Variants in SNX29 observed in about 807,000 individuals in gnomAD.
SNX29 encodes sorting nexin-29.
A neutral mutation model predicts 102.1 loss-of-function variants in SNX29; 78 were observed. That is an observed-to-expected ratio of 0.76 (90% CI 0.64 to 0.92). SNX29 has a LOEUF of 0.92. Ranked by LOEUF, SNX29 falls within the 40% of genes least tolerant of loss-of-function variation. The pLI, the probability that SNX29 is intolerant of heterozygous loss-of-function variation, is 0.00. For synonymous variants in SNX29, 580 were observed against 414.5 expected (o/e 1.40, Z -4.85); for missense variants, 1,280 against 1,061.7 (o/e 1.21, Z -2.86).
chr16:12,258,264 C>T (rs925320630), intron 14 of SNX29, among the ~76,000 whole-genome samples: 1 of 152,234 alleles, frequency 6.6e-6, no homozygotes, highest in Non-Finnish European at 1.5e-5. Context: ...TGACCTGTCA[C>T]CTCGTCTCTG....
At chr16:11,991,709 AT>A (rs200463931) in intron 1 of SNX29, among the ~76,000 whole-genome samples, 3,038 of 118,828 alleles carry the variant, frequency 0.026, 117 homozygotes, top group African/African-American at 0.094. Flanking sequence ...CCTGAGGCTA[AT>A]CTTTTTTTTT....
intron 14 of SNX29, among the ~76,000 whole-genome samples, chr16:12,261,348 C>T (rs1291915041): frequency 7.1e-6 from 1 of 140,442 alleles, no homozygotes; most frequent in Non-Finnish European, 1.5e-5. Context: ...GTGCGTGCGT[C>T]CCTGGCTGGA....
Position 12,573,460 on chromosome 16 carries a change from G to C in SNX29, c.*4831G>C, listed in dbSNP as rs530812457. On this transcript the variant is annotated 3_prime_UTR_variant, in exon 21 of 21. Transcript: ENST00000566228. Reference sequence around the variant, plus strand: ...AAGATAGTTGAGCCTATGACATTAAGGAGCAGCGCTGCTGGCGGAAGATTC... The same window carrying C: ...AAGATAGTTGAGCCTATGACATTAACGAGCAGCGCTGCTGGCGGAAGATTC... 4.5e-6 allele frequency: 1 copy of C among 224,212 alleles called. No individual in the cohort carries two copies. The highest frequency in any genetic ancestry group is 6.5e-5 in the East Asian group (1 of 15,322). 13.9% of individuals were successfully genotyped at this position (224,212 alleles called of 1,614,324 possible). A position where few individuals can be genotyped will look rare whatever the true frequency, so the allele number is the denominator to read the frequency against.
intron 11 of SNX29, chr16:12,087,874 C>G (rs576866576): frequency 4.4e-6 from 2 of 456,704 alleles, no homozygotes; most frequent in Non-Finnish European, 8.8e-6. Flanking sequence ...GTTTTGTGTT[C>G]GATAGGCTAA....
intron 12 of SNX29, among the ~76,000 whole-genome samples, 184 bp downstream of exon 12, chr16:12,126,880 A>C (rs1342266524): frequency 1.3e-5 from 2 of 152,208 alleles, no homozygotes; most frequent in Non-Finnish European, 2.9e-5. Flanking sequence ...CTTTTGCCTG[A>C]TATGTAAGAA....
At chr16:12,277,120 G>C (rs1386282564) in intron 14 of SNX29, among the ~76,000 whole-genome samples, 2 of 152,168 alleles carry the variant, frequency 1.3e-5, no homozygotes, top group African/African-American at 4.8e-5. Context: ...GAATGCAGTG[G>C]TTCACACCTG....
intron 11 of SNX29, among the ~76,000 whole-genome samples, chr16:12,123,697 A>G (rs1312734779): frequency 1.3e-5 from 2 of 152,170 alleles, no homozygotes; most frequent in African/African-American, 4.8e-5. Flanking sequence ...CAGCTGCTGC[A>G]GAGCTGCCTT....
At chr16:12,158,687 G>T (rs1048427970) in intron 13 of SNX29, among the ~76,000 whole-genome samples, 1 of 152,246 alleles carries the variant, frequency 6.6e-6, no homozygotes, top group Non-Finnish European at 1.5e-5. Flanking sequence ...ATGATGAAAA[G>T]AACATGCAAC....
chr16:12,434,000 C>G (rs1344203519), intron 18 of SNX29, among the ~76,000 whole-genome samples: 1 of 152,176 alleles, frequency 6.6e-6, no homozygotes. Context: ...TTTTGAGGTC[C>G]TCACATGGGG....
intron 13 of SNX29, among the ~76,000 whole-genome samples, chr16:12,130,781 G>A (rs1250456220): frequency 1.3e-5 from 2 of 151,448 alleles, no homozygotes; most frequent in Non-Finnish European, 2.9e-5. Context: ...GTCCTATGCA[G>A]CATTCACTTG....
intron 17 of SNX29, 101 bp from the exon 18 acceptor site, chr16:12,403,347 C>A (rs562144755): frequency 1.8e-6 from 2 of 1,118,708 alleles, no homozygotes; most frequent in East Asian, 5.9e-5. Context: ...GTGCATAATA[C>A]CTCTTGGAGT....
chr16:12,559,781 A>G (rs2078610150), intron 20 of SNX29, among the ~76,000 whole-genome samples: 2 of 152,182 alleles, frequency 1.3e-5, no homozygotes, highest in African/African-American at 2.4e-5. Flanking sequence ...AGCATTACAC[A>G]GCACCTTCGT....
intron 13 of SNX29, among the ~76,000 whole-genome samples, chr16:12,162,485 G>C (rs1297293999): frequency 6.6e-6 from 1 of 152,222 alleles, no homozygotes; most frequent in Non-Finnish European, 1.5e-5. Context: ...GAAGTCTGCT[G>C]TTGTAGCAAG....
chr16:12,050,922 T>C (rs2050273244), intron 7 of SNX29, among the ~76,000 whole-genome samples: 1 of 151,992 alleles, frequency 6.6e-6, no homozygotes. Flanking sequence ...GGTTTCACCA[T>C]GTTTGCCAGG....
intron 20 of SNX29, among the ~76,000 whole-genome samples, chr16:12,541,553 T>G (rs1413896643): frequency 3.9e-5 from 6 of 152,154 alleles, no homozygotes; most frequent in African/African-American, 1.4e-4. Flanking sequence ...AGCCTCCCTT[T>G]TCAAGCTGCC....
intron 19 of SNX29, among the ~76,000 whole-genome samples, chr16:12,486,414 C>T (rs11863513): frequency 2.0e-5 from 3 of 151,240 alleles, no homozygotes; most frequent in Admixed American, 2.0e-4. Flanking sequence ...TCCTGCCTAC[C>T]GTACACCTCT....
intron 13 of SNX29, among the ~76,000 whole-genome samples, chr16:12,171,154 G>T (rs1244903957): frequency 2.0e-5 from 3 of 152,080 alleles, no homozygotes; most frequent in Non-Finnish European, 4.4e-5. Context: ...GTTGACACGG[G>T]CTCTTTGAGA....
intron 15 of SNX29, among the ~76,000 whole-genome samples, chr16:12,329,931 G>T (rs1256047573): frequency 6.6e-6 from 1 of 152,166 alleles, no homozygotes; most frequent in Non-Finnish European, 1.5e-5. Flanking sequence ...GTTCCAAAAG[G>T]CATTTGAGTG....
At chr16:12,328,714 G>A (rs2151202561) in intron 15 of SNX29, among the ~76,000 whole-genome samples, 1 of 152,264 alleles carries the variant, frequency 6.6e-6, no homozygotes, top group East Asian at 1.9e-4. Flanking sequence ...ATCACAGTCT[G>A]CTAAGTCTTA....
Sources: gnomAD v4.1 joint callset for allele counts (sites outside exome capture counted in the v4.1 genomes callset) on GRCh38, gnomAD v4.1.1 for gene constraint, MANE v1.5 for transcripts, NCBI Gene and HGNC (gene_info 2026-07-23, HGNC 2026-07-21) for gene names.